SCFD2: variants seen among roughly 807,000 people sequenced by gnomAD.
SCFD2 encodes the protein sec1 family domain containing 2.
SCFD2 carries 54 observed loss-of-function variants against 58.9 expected under a neutral mutation model. The ratio of observed to expected loss-of-function variants is 0.92; its 90% confidence interval spans 0.74 to 1.15. SCFD2 has a LOEUF of 1.15. SCFD2 is among the 50% of genes most tolerant of loss of function. SCFD2 has a pLI of 0.00. For missense variants in SCFD2, 805 were observed against 836.6 expected (o/e 0.96, Z 0.47); for synonymous variants, 321 against 335.9 (o/e 0.96, Z 0.49).
chr4:53,186,556 G>A (rs1727742020), intron 4 of SCFD2, among the ~76,000 whole-genome samples: 1 of 152,028 alleles, frequency 6.6e-6, no homozygotes, highest in South Asian at 2.1e-4. Context: ...AAAGAGTCAT[G>A]AATAAAAAGC....
intron 2 of SCFD2, among the ~76,000 whole-genome samples, chr4:53,318,255 T>C (rs1577963030): frequency 6.6e-6 from 1 of 152,344 alleles, no homozygotes; most frequent in Non-Finnish European, 1.5e-5. Flanking sequence ...TTACAAAGAC[T>C]TTTAAGCAAT....
chr4:53,140,399 A>ATATG (rs1726096558), intron 5 of SCFD2, among the ~76,000 whole-genome samples: 2 of 140,312 alleles, frequency 1.4e-5, no homozygotes, highest in African/African-American at 5.3e-5. Context: ...GCTAATATAT[A>ATATG]TATATATATA....
chr4:53,172,253 T>G (rs1727203349), intron 4 of SCFD2, among the ~76,000 whole-genome samples: 2 of 152,114 alleles, frequency 1.3e-5, no homozygotes, highest in Admixed American at 1.3e-4. Flanking sequence ...TCTGCCTGTC[T>G]CAGCCTCCCA....
At chr4:53,039,986 G>C (rs73141448) in intron 5 of SCFD2, among the ~76,000 whole-genome samples, 1,873 of 152,210 alleles carry the variant, frequency 0.012, 38 homozygotes, top group African/African-American at 0.043. Flanking sequence ...TCTTGAACTG[G>C]TAATTACATG....
chr4:53,140,920 T>G (rs1726117178), intron 5 of SCFD2, among the ~76,000 whole-genome samples: 1 of 152,178 alleles, frequency 6.6e-6, no homozygotes, highest in South Asian at 2.1e-4. Flanking sequence ...ACAAAAATGG[T>G]TACTTTCTTG....
intron 4 of SCFD2, among the ~76,000 whole-genome samples, chr4:53,239,109 A>C (rs11723955): frequency 6.7e-6 from 1 of 148,840 alleles, no homozygotes; most frequent in Non-Finnish European, 1.5e-5. Flanking sequence ...CTGCAATCCC[A>C]GCACCTCAGG....
chr4:52,909,402 G>C (rs550657736), intron 6 of SCFD2, among the ~76,000 whole-genome samples: 1 of 152,314 alleles, frequency 6.6e-6, no homozygotes, highest in East Asian at 1.9e-4. Context: ...GTACAGAATA[G>C]TGTGTGAATG....
At chr4:52,933,960 A>G (rs925788650) in intron 5 of SCFD2, among the ~76,000 whole-genome samples, 1 of 152,092 alleles carries the variant, frequency 6.6e-6, no homozygotes, top group Non-Finnish European at 1.5e-5. Flanking sequence ...CTGCTGTGGG[A>G]TGGTCTTGCC....
chr4:53,268,545 A>T (rs1398002883), intron 4 of SCFD2, among the ~76,000 whole-genome samples: 1 of 152,138 alleles, frequency 6.6e-6, no homozygotes, highest in Non-Finnish European at 1.5e-5. Flanking sequence ...TAAAGAAGGC[A>T]GTAGAAATGG....
At chr4:53,115,137 T>C (rs1725284494) in intron 5 of SCFD2, among the ~76,000 whole-genome samples, 1 of 152,018 alleles carries the variant, frequency 6.6e-6, no homozygotes, top group Admixed American at 6.6e-5. Context: ...TCCAAACATT[T>C]CAATAGTTAC....
At chr4:53,289,750 A>T (rs1045161599) in intron 3 of SCFD2, among the ~76,000 whole-genome samples, 4 of 152,196 alleles carry the variant, frequency 2.6e-5, no homozygotes, top group African/African-American at 9.7e-5. Flanking sequence ...TTTTAGCTTT[A>T]AGGACACACT....
chr4:53,130,922 C>T (rs1457618150), intron 5 of SCFD2, among the ~76,000 whole-genome samples: 10 of 152,162 alleles, frequency 6.6e-5, no homozygotes, highest in Admixed American at 1.3e-4. Context: ...TGCTGTTGGG[C>T]GCCTGCCCCA....
chr4:53,247,853 G>T (rs1215943524), intron 4 of SCFD2, among the ~76,000 whole-genome samples: 3 of 96,822 alleles, frequency 3.1e-5, no homozygotes, highest in African/African-American at 4.3e-5. Flanking sequence ...GGGCAACAGA[G>T]CGAGACTCCG....
intron 4 of SCFD2, among the ~76,000 whole-genome samples, chr4:53,239,339 G>T (rs1729808926): frequency 6.6e-6 from 1 of 150,952 alleles, no homozygotes; most frequent in African/African-American, 2.4e-5. Context: ...GGGAGACCGT[G>T]GAAAGAGAGG....
At chr4:52,880,646 GA>G (rs985753380) in intron 8 of SCFD2, among the ~76,000 whole-genome samples, 2 of 151,102 alleles carry the variant, frequency 1.3e-5, no homozygotes, top group Non-Finnish European at 3.0e-5. Context: ...AAGAAAAAAA[GA>G]AAAAAAAGTA....
chr4:52,966,682 T>A (rs1420516782), intron 5 of SCFD2, among the ~76,000 whole-genome samples: 2 of 152,234 alleles, frequency 1.3e-5, no homozygotes, highest in African/African-American at 4.8e-5. Context: ...ATTTCTTATA[T>A]AATTTATTGC....
At chr4:53,237,978 G>A (rs1436550691) in intron 4 of SCFD2, among the ~76,000 whole-genome samples, 3 of 130,624 alleles carry the variant, frequency 2.3e-5, no homozygotes, top group African/African-American at 8.5e-5. Flanking sequence ...CTCCCTCCCG[G>A]ACGGGGCGGC....
At chr4:53,026,085 CA>C (rs1722468715) in intron 5 of SCFD2, among the ~76,000 whole-genome samples, 1 of 151,544 alleles carries the variant, frequency 6.6e-6, no homozygotes, top group African/African-American at 2.4e-5. Context: ...AGAAAAACAA[CA>C]ACAACAACAA....
chr4:53,060,611 T>A (rs376696785), intron 5 of SCFD2, among the ~76,000 whole-genome samples: 3 of 152,268 alleles, frequency 2.0e-5, no homozygotes, highest in East Asian at 3.9e-4. Context: ...CTCAACATAC[T>A]GAATGCAAAA....
Sources: gnomAD v4.1 joint callset for allele counts (sites outside exome capture counted in the v4.1 genomes callset) on GRCh38, gnomAD v4.1.1 for gene constraint, MANE v1.5 for transcripts, NCBI Gene and HGNC (gene_info 2026-07-23, HGNC 2026-07-21) for gene names.